Variants in RALGAPB observed in about 807,000 individuals in gnomAD.
RALGAPB encodes the protein ral GTPase-activating protein subunit beta.
In RALGAPB, 25 loss-of-function variants were observed where a neutral mutation model predicts 161.1. That is an observed-to-expected ratio of 0.16 (90% CI 0.11 to 0.22). The LOEUF is 0.22. Among genes scored for constraint, RALGAPB ranks in the 10% least tolerant of loss-of-function variants. RALGAPB has a pLI of 1.00. For synonymous variants in RALGAPB, 629 were observed against 626.1 expected (o/e 1.00, Z -0.07); for missense variants, 1,391 against 1,815.2 (o/e 0.77, Z 4.25).
chr20:38,495,514 T>C (rs1033253428), intron 3 of RALGAPB, among the ~76,000 whole-genome samples: 9 of 152,210 alleles, frequency 5.9e-5, no homozygotes, highest in African/African-American at 2.2e-4. Flanking sequence ...ATAGACAATA[T>C]ATAAATGAAT....
intron 18 of RALGAPB, among the ~76,000 whole-genome samples, chr20:38,543,841 TC>T (rs1001246197): frequency 4.9e-4 from 74 of 152,316 alleles, no homozygotes; most frequent in African/African-American, 1.7e-3. Context: ...TTTCTGTACT[TC>T]CGTGCTCATT....
intron 6 of RALGAPB, among the ~76,000 whole-genome samples, chr20:38,509,434 C>T (rs149247842): frequency 3.9e-5 from 6 of 152,314 alleles, no homozygotes; most frequent in East Asian, 3.9e-4. Flanking sequence ...GCTCTAGGAA[C>T]GCGTTCCCTG....
At chr20:38,573,805 C>G (rs1414521936) in intron 28 of RALGAPB, 1 of 160,248 alleles carries the variant, frequency 6.2e-6, no homozygotes, top group Non-Finnish European at 1.4e-5. Flanking sequence ...AGTCCCATAG[C>G]TGGTTGCTAA....
At chr20:38,484,968 T>A (rs373457633) in intron 1 of RALGAPB, among the ~76,000 whole-genome samples, 7 of 152,220 alleles carry the variant, frequency 4.6e-5, no homozygotes, top group African/African-American at 1.7e-4. Context: ...GTGCTGGGAT[T>A]ACAGGTGTGA....
At chr20:38,486,450 T>G (rs1343564699) in intron 1 of RALGAPB, among the ~76,000 whole-genome samples, 1 of 152,180 alleles carries the variant, frequency 6.6e-6, no homozygotes, top group Non-Finnish European at 1.5e-5. Context: ...GGTATACTCC[T>G]CTCTTCAGAA....
At chr20:38,563,343 A>C (rs1349005921) in intron 24 of RALGAPB, among the ~76,000 whole-genome samples, 1 of 152,194 alleles carries the variant, frequency 6.6e-6, no homozygotes, top group Non-Finnish European at 1.5e-5. Flanking sequence ...GTTTTGTCTA[A>C]TAAGTAGTTT....
intron 7 of RALGAPB, among the ~76,000 whole-genome samples, chr20:38,516,892 A>G (rs2086142026): frequency 6.6e-6 from 1 of 152,246 alleles, no homozygotes; most frequent in South Asian, 2.1e-4. Flanking sequence ...GTTGAAAGGC[A>G]GTGATTTATA....
intron 1 of RALGAPB, among the ~76,000 whole-genome samples, chr20:38,473,345 A>T (rs1171782193): frequency 6.6e-6 from 1 of 151,928 alleles, no homozygotes; most frequent in African/African-American, 2.4e-5. Context: ...AACCTGGGGG[A>T]GGGGGCGGGT....
chr20:38,518,299 C>T (rs2086192112), intron 9 of RALGAPB, among the ~76,000 whole-genome samples: 1 of 152,110 alleles, frequency 6.6e-6, no homozygotes, highest in African/African-American at 2.4e-5. Flanking sequence ...TGGAAGTTCC[C>T]TTCATGTCAG....
intron 1 of RALGAPB, among the ~76,000 whole-genome samples, chr20:38,474,379 T>G (rs540111056): frequency 7.4e-4 from 112 of 152,246 alleles, no homozygotes; most frequent in African/African-American, 2.4e-3. Flanking sequence ...AACTTCCGCC[T>G]CCTGAGCTCA....
rs556121820 is a variant in RALGAPB, at chr20:38,521,995, T to C, written c.1619+297T>C. On this transcript the variant is annotated intron_variant, in intron 10 of 29. Transcript: ENST00000262879. ...ACAAATTTTTAGCACAGTATTCCCA[T>C]GTAGGCAGTCCAGAAATAAGTCAGC... 7.0e-4 allele frequency among the ~76,000 whole-genome samples: 106 copies of C among 152,366 alleles called. 2 individuals are homozygous for C. The highest frequency in any genetic ancestry group is 2.4e-3 in the African/African-American group (100 of 41,586).
intron 8 of RALGAPB, 24 bp downstream of exon 8, chr20:38,517,678 T>A: frequency 6.2e-7 from 1 of 1,612,402 alleles, no homozygotes; most frequent in South Asian, 1.1e-5. Flanking sequence ...TCACCATTGT[T>A]ATGCTATATA....
chr20:38,524,738 G>C lies in RALGAPB; in HGVS notation c.1620-40G>C. On this transcript the variant is annotated intron_variant, in intron 10 of 29. Coordinates refer to ENST00000262879, the MANE Select transcript of RALGAPB (RefSeq NM_020336.4). Reference sequence around the variant, plus strand: ...GCAAATAATAATTATGAAAACTTTTGATCAGCAGTTTGTTTAAAATTTTTT... The same window carrying C: ...GCAAATAATAATTATGAAAACTTTTCATCAGCAGTTTGTTTAAAATTTTTT... The C allele has an allele frequency of 1.4e-6, 2 of 1,467,770 alleles. 1 individual carries two copies. Among genetic ancestry groups the C allele is most frequent in the South Asian group, 2.3e-5 (2 of 85,820 alleles). The allele number at this position is 1,467,770 out of a possible 1,614,324, so 90.9% of individuals were successfully genotyped here. A position where few individuals can be genotyped will look rare whatever the true frequency, so the allele number is the denominator to read the frequency against.
At chr20:38,480,559 G>A (rs2122823935) in intron 1 of RALGAPB, among the ~76,000 whole-genome samples, 1 of 148,254 alleles carries the variant, frequency 6.7e-6, no homozygotes, top group East Asian at 2.0e-4. Context: ...GCTAGTTTTT[G>A]TATTTTTAGT....
chr20:38,497,432 C>G lies in RALGAPB; in HGVS notation c.469C>G (p.Leu157Val). ...AIQKLARESS[L>V]MARETWEVLL... ...TCAGAAACTGGCCCGTGAGTCATCT[C>G]TCATGGCCCGAGAAACTTGGGAAGT... is the stretch of plus-strand genomic sequence containing the variant. The change falls in exon 4 of 30, where the codon CTC becomes GTC. Residue 157 changes from leucine (L) to valine (V), a missense_variant. By Grantham distance (32) the Leu-to-Val change is conservative. Coordinates refer to ENST00000262879, the MANE Select transcript of RALGAPB (RefSeq NM_020336.4). 6.2e-7 allele frequency: 1 copy of G among 1,614,084 alleles called. No homozygotes were observed. Among genetic ancestry groups the G allele is most frequent in the South Asian group, 1.1e-5 (1 of 91,078 alleles).
In RALGAPB at chr20:38,539,627, A is replaced by G. The variant is rs747524477; in HGVS notation, c.2380-149A>G. 49 of 634,692 alleles carry G rather than the reference A, an allele frequency of 7.7e-5. 1 individual carries two copies. Among genetic ancestry groups the G allele is most frequent in the South Asian group, 3.4e-4 (13 of 38,222 alleles). 39.3% of individuals were successfully genotyped at this position (634,692 alleles called of 1,614,324 possible). On this transcript the variant is annotated intron_variant, in intron 16 of 29. Transcript: ENST00000262879. The stretch of plus-strand genomic sequence containing the variant: ...GGAGTATTACAATACATCTGAAATA[A>G]TCTGTTCCTGTATATAAATAATATA...
At chr20:38,494,603 C>G (rs1174636155) in intron 3 of RALGAPB, among the ~76,000 whole-genome samples, 10 of 152,102 alleles carry the variant, frequency 6.6e-5, no homozygotes, top group African/African-American at 2.4e-4. Context: ...TGCACTCAGC[C>G]TGGGTGACAG....
At chr20:38,549,543 A>ATAT (rs1555882874) in intron 20 of RALGAPB, among the ~76,000 whole-genome samples, 180 of 120,732 alleles carry the variant, frequency 1.5e-3, no homozygotes, top group African/African-American at 5.3e-3. Context: ...TAAAAAAAAA[A>ATAT]AAAAAAATAT....
intron 6 of RALGAPB, among the ~76,000 whole-genome samples, chr20:38,510,131 T>TACACACACAC (rs34759480): frequency 6.8e-6 from 1 of 146,168 alleles, no homozygotes; most frequent in Non-Finnish European, 1.5e-5. Flanking sequence ...CACACGCACA[T>TACACACACAC]ACACACACAC....
Sources: gnomAD v4.1 joint callset for allele counts (sites outside exome capture counted in the v4.1 genomes callset) on GRCh38, gnomAD v4.1.1 for gene constraint, MANE v1.5 for transcripts, NCBI Gene and HGNC (gene_info 2026-07-23, HGNC 2026-07-21) for gene names.